The following PCM1 variants were observed in gnomAD, a reference collection of about 807,000 sequenced individuals.
PCM1 encodes pericentriolar material 1, also known as pericentriolar material 1 protein.
In PCM1, 157 loss-of-function variants were observed where a neutral mutation model predicts 241.9. The ratio of observed to expected loss-of-function variants is 0.65; its 90% CI spans 0.57 to 0.74. The LOEUF is 0.74. PCM1 is among the 30% of genes least tolerant of loss of function. The pLI is 0.00. For missense variants in PCM1, 3,478 were observed against 2,360.1 expected (o/e 1.47, Z -9.81); for synonymous variants, 1,085 against 784.9 (o/e 1.38, Z -6.39).
At chr8:17,988,991 C>T (rs886579116) in intron 26 of PCM1, among the ~76,000 whole-genome samples, 3 of 151,976 alleles carry the variant, frequency 2.0e-5, no homozygotes, top group African/African-American at 7.2e-5. Context: ...ATCACAAAAA[C>T]ACTTGCACAT....
chr8:17,997,638 T>C (rs950562224), intron 29 of PCM1, among the ~76,000 whole-genome samples: 5 of 152,192 alleles, frequency 3.3e-5, no homozygotes, highest in Non-Finnish European at 5.9e-5. Flanking sequence ...ATGCATTCTT[T>C]AGTATGTCAG....
intron 7 of PCM1, among the ~76,000 whole-genome samples, chr8:17,948,294 C>CTTTTTT (rs550672840): frequency 6.3e-5 from 4 of 63,950 alleles, no homozygotes; most frequent in African/African-American, 1.9e-4. Flanking sequence ...CAAATAACCT[C>CTTTTTT]TTTTTTTTTT....
intron 30 of PCM1, among the ~76,000 whole-genome samples, chr8:18,007,234 C>T (rs2091580502): frequency 6.6e-6 from 1 of 152,108 alleles, no homozygotes; most frequent in Non-Finnish European, 1.5e-5. Flanking sequence ...TCTTATGAAA[C>T]TTGGCTTTGC....
At chr8:17,961,304 CTTTTTT>C (rs35468848) in intron 15 of PCM1, among the ~76,000 whole-genome samples, 9 of 79,142 alleles carry the variant, frequency 1.1e-4, no homozygotes, top group East Asian at 4.2e-4. Flanking sequence ...TATTGGCTAG[CTTTTTT>C]TTTTTTTTTT....
chr8:17,967,208 A>C, intron 21 of PCM1, 38 bp downstream of exon 21: 1 of 1,452,360 alleles, frequency 6.9e-7, no homozygotes, highest in East Asian at 2.4e-5. Flanking sequence ...AAATAAAAGC[A>C]AAGTGTTTGG....
chr8:18,024,504 T>C (rs984526883), intron 36 of PCM1, among the ~76,000 whole-genome samples: 3 of 151,276 alleles, frequency 2.0e-5, no homozygotes, highest in Non-Finnish European at 4.4e-5. Context: ...AGTACAATTA[T>C]ACATTTAAAA....
intron 9 of PCM1, 132 bp from the exon 10 acceptor site, chr8:17,955,338 C>T (rs1445421973): frequency 1.6e-6 from 1 of 609,516 alleles, no homozygotes; most frequent in Non-Finnish European, 2.8e-6. Context: ...AAACAATTTT[C>T]TGAAATTTAA....
At chr8:18,017,657 C>T (rs2093352699) in intron 36 of PCM1, among the ~76,000 whole-genome samples, 1 of 152,128 alleles carries the variant, frequency 6.6e-6, no homozygotes, top group African/African-American at 2.4e-5. Flanking sequence ...AGTTCAAGAC[C>T]AGCCTGACCA....
intron 26 of PCM1, 40 bp downstream of exon 26, chr8:17,986,127 A>G (rs1473819436): frequency 1.5e-6 from 2 of 1,338,912 alleles, no homozygotes; most frequent in Non-Finnish European, 2.0e-6. Flanking sequence ...ATATAATTTT[A>G]GTATGCAGTA....
At chr8:17,929,340 A>C (rs1340955793) in intron 2 of PCM1, among the ~76,000 whole-genome samples, 1 of 152,052 alleles carries the variant, frequency 6.6e-6, no homozygotes, top group Non-Finnish European at 1.5e-5. Context: ...CTGCCTCTCT[A>C]TTTAATACCA....
intron 29 of PCM1, among the ~76,000 whole-genome samples, chr8:17,999,386 T>G (rs1286034378): frequency 6.6e-6 from 1 of 152,048 alleles, no homozygotes; most frequent in Non-Finnish European, 1.5e-5. Context: ...GATTAATCCT[T>G]CCAGGACTGG....
In PCM1 at chr8:18,009,540, T is replaced by C. The variant is rs762979355; in HGVS notation, c.4963-7T>C. 1 of 1,572,720 alleles carries C rather than the reference T, an allele frequency of 6.4e-7. No individual in the cohort carries two copies. Among genetic ancestry groups the C allele is most frequent in the African/African-American group, 1.3e-5 (1 of 74,202 alleles). Reference sequence around the variant, plus strand: ...CTTTAAAAATTATTTGGTTTATCTTTGAATAGGATTCACTGGCAAAATTTG... The same window carrying C: ...CTTTAAAAATTATTTGGTTTATCTTCGAATAGGATTCACTGGCAAAATTTG... On this transcript the variant is annotated splice_polypyrimidine_tract_variant and splice_region_variant and intron_variant, in intron 30 of 38. Transcript: ENST00000325083.
At position 18,027,734 on chromosome 8, in the gene PCM1, C is replaced by T; in HGVS notation, c.*72C>T. On this transcript the variant is annotated 3_prime_UTR_variant, in exon 39 of 39. Transcript: ENST00000325083. ...ATATATGAAAACAATACTAAATAAA[C>T]ATCTGATCTGTATAAAAATGTAAAT... 9.3e-7 allele frequency: 1 copy of T among 1,069,720 alleles called. No homozygotes were observed. Among genetic ancestry groups the T allele is most frequent in the Non-Finnish European group, 1.4e-6 (1 of 725,316 alleles). 66.3% of individuals were successfully genotyped at this position (1,069,720 alleles called of 1,614,324 possible).
chr8:18,009,121 TG>T (rs1314056038), intron 30 of PCM1, among the ~76,000 whole-genome samples: 1 of 151,864 alleles, frequency 6.6e-6, no homozygotes, highest in Non-Finnish European at 1.5e-5. Context: ...TAAATTAGAA[TG>T]GTTGTCTTAA....
At position 17,925,164 on chromosome 8, in the gene PCM1, C is replaced by G. The variant is rs948259815; in HGVS notation, c.-23+384C>G. The G allele has an allele frequency of 5.3e-5, 8 of 152,194 alleles. 1 individual carries two copies. The highest frequency in any genetic ancestry group is 7.3e-5 in the Non-Finnish European group (5 of 68,040). The allele number at this position is 152,194 out of a possible 1,614,324, so 9.4% of individuals were successfully genotyped here. A position where few individuals can be genotyped will look rare whatever the true frequency, so the allele number is the denominator to read the frequency against. ...CCTATTAATTGGCTGTTCATGAACT[C>G]TACTTGTCGAACTTGTTATACCTTG... is the stretch of plus-strand genomic sequence containing the variant. On this transcript the variant is annotated intron_variant, in intron 2 of 38. Transcript: ENST00000325083.
In PCM1 at chr8:18,011,712, G is replaced by T; in HGVS notation, c.5396G>T (p.Gly1799Val). 6.2e-7 allele frequency: 1 copy of T among 1,612,978 alleles called. No homozygotes were observed. The highest frequency in any genetic ancestry group is 1.1e-5 in the South Asian group (1 of 90,864). ...CAGGCTTTAACTAATTATGGAAGTG[G>T]AGAAGATGAAAATGAGGATGAAGAA... Reference protein sequence around the residue: ...ETQALTNYGSGEDENEDEEME... With the variant: ...ETQALTNYGSVEDENEDEEME... Residue 1799 changes from glycine (G) to valine (V), a missense_variant, in exon 34 of 39, where the codon GGA (glycine) becomes GTA (valine). Physicochemically the swap from Gly to Val is moderately radical, Grantham distance 109 (BLOSUM62 -3). Coordinates refer to ENST00000325083, the MANE Select transcript of PCM1 (RefSeq NM_006197.4).
chr8:17,959,940 G>T, intron 13 of PCM1, 74 bp from the exon 14 acceptor site: 1 of 1,365,966 alleles, frequency 7.3e-7, no homozygotes, highest in Non-Finnish European at 1.0e-6. Flanking sequence ...ACAGACTAGT[G>T]GTATTTACTA....
At chr8:17,987,886 A>C (rs1587901798) in intron 26 of PCM1, among the ~76,000 whole-genome samples, 1 of 151,888 alleles carries the variant, frequency 6.6e-6, no homozygotes, top group East Asian at 1.9e-4. Flanking sequence ...ATTTTATTTA[A>C]ATAGCCATAT....
rs2077166763 is a variant in PCM1 at position 17,972,457 on chromosome 8, G to C, written c.3713G>C (p.Ser1238Thr). Residue 1238 changes from serine to threonine, a missense_variant, in exon 23 of 39, where the codon AGT (serine) becomes ACT (threonine). Physicochemically the swap from Ser to Thr is moderately conservative, Grantham distance 58. Coordinates refer to ENST00000325083, the MANE Select transcript of PCM1 (RefSeq NM_006197.4). Reference sequence around the variant, plus strand: ...GTGTCTGTAGAAAAATCTACAAGTAGTAACCGCAAAAATCAATTAGATACA... The same window carrying C: ...GTGTCTGTAGAAAAATCTACAAGTACTAACCGCAAAAATCAATTAGATACA... The part of the protein sequence containing the change: ...FSVSVEKSTS[S>T]NRKNQLDTNG... 2 of 1,613,608 alleles carry C rather than the reference G, an allele frequency of 1.2e-6. No homozygotes were observed. The highest frequency in any genetic ancestry group is 1.7e-6 in the Non-Finnish European group (2 of 1,179,716).
Sources: allele counts gnomAD v4.1 joint callset (sites outside exome capture counted in the v4.1 genomes callset), GRCh38; gene constraint gnomAD v4.1.1; transcripts MANE v1.5; gene names NCBI Gene and HGNC (gene_info 2026-07-23, HGNC 2026-07-21).